The following XPO4 variants were observed in gnomAD, a reference collection of about 807,000 sequenced individuals.
The protein encoded by XPO4 is exportin-4.
A neutral mutation model predicts 143.0 loss-of-function variants in XPO4; 39 were observed. The ratio of observed to expected loss-of-function variants is 0.27; its 90% CI spans 0.21 to 0.36. The LOEUF (loss-of-function observed/expected upper bound fraction) is 0.36, where lower values mean the gene tolerates loss of function less well. Ranked by LOEUF, XPO4 falls within the 10% of genes least tolerant of loss-of-function variation. XPO4 has a pLI of 1.00. For missense variants in XPO4, 907 were observed against 1,348.0 expected, an observed-to-expected ratio of 0.67 and a Z score of 5.12; for synonymous variants, 439 against 474.0, an observed-to-expected ratio of 0.93 and a Z score of 0.96.
intron 6 of XPO4, among the ~76,000 whole-genome samples, chr13:20,836,882 T>A (rs1238366951): frequency 6.6e-6 from 1 of 152,216 alleles, no homozygotes; most frequent in African/African-American, 2.4e-5. Context: ...CTCTATAGAT[T>A]TGCCCATCCT....
rs749769518 is a variant in XPO4 at position 20,858,920 on chromosome 13, GTGTATATATA to G, written c.318-3165_318-3156del. ...TTAAAATATATATATATATGTGTGTGTGTATATATATATATATATATATATATATGTGAGC... is the reference window on the plus strand; with the variant it reads ...TTAAAATATATATATATATGTGTGTGTATATATATATATATATATGTGAGC... On this transcript the variant is annotated intron_variant, in intron 3 of 22. Coordinates refer to ENST00000255305, the MANE Select transcript of XPO4 (RefSeq NM_022459.5). Among the ~76,000 whole-genome samples, 128 of 16,352 alleles carry G rather than the reference GTGTATATATA, an allele frequency of 7.8e-3. 4 individuals carry two copies. The South Asian group carries it at 0.22, about 28-fold the overall frequency. 10.7% of individuals were successfully genotyped at this position (16,352 alleles called of 152,430 possible).
chr13:20,820,814 A>G (rs1475254688), intron 9 of XPO4, among the ~76,000 whole-genome samples: 3 of 152,214 alleles, frequency 2.0e-5, no homozygotes, highest in Non-Finnish European at 4.4e-5. Context: ...AGGGATACGA[A>G]AAAACTCACA....
chr13:20,796,484 A>C (rs1208638798), intron 17 of XPO4, among the ~76,000 whole-genome samples: 2 of 152,040 alleles, frequency 1.3e-5, no homozygotes, highest in Non-Finnish European at 2.9e-5. Flanking sequence ...ATTCAGGTGC[A>C]GCAAACCACC....
intron 6 of XPO4, among the ~76,000 whole-genome samples, chr13:20,828,435 T>C (rs1007443203): frequency 6.6e-6 from 1 of 152,198 alleles, no homozygotes; most frequent in African/African-American, 2.4e-5. Context: ...AATCGTTATT[T>C]TTACAGAAAA....
chr13:20,806,246 G>A (rs763342219), intron 13 of XPO4, among the ~76,000 whole-genome samples: 1 of 152,004 alleles, frequency 6.6e-6, no homozygotes, highest in Non-Finnish European at 1.5e-5. Context: ...TTTCAAACAA[G>A]AGAATGCAAC....
At chr13:20,883,801 C>CT (rs1211686884) in intron 1 of XPO4, among the ~76,000 whole-genome samples, 1 of 152,164 alleles carries the variant, frequency 6.6e-6, no homozygotes, top group African/African-American at 2.4e-5. Flanking sequence ...GAGTTTTGCT[C>CT]TTGTTGCCCA....
intron 1 of XPO4, 143 bp from the exon 2 acceptor site, chr13:20,868,844 T>G (rs1595146854): frequency 2.8e-6 from 2 of 703,370 alleles, no homozygotes; most frequent in East Asian, 6.1e-5. Flanking sequence ...TTTAAGGAAT[T>G]ATAGTATAAA....
chr13:20,827,631 A>C (rs146435711), intron 6 of XPO4, among the ~76,000 whole-genome samples: 3 of 152,218 alleles, frequency 2.0e-5, no homozygotes, highest in African/African-American at 7.2e-5. Flanking sequence ...ATTTTTCCAG[A>C]AGAAATATAT....
chr13:20,808,919 G>A (rs1229564174), intron 11 of XPO4, among the ~76,000 whole-genome samples, 164 bp downstream of exon 11: 5 of 152,152 alleles, frequency 3.3e-5, no homozygotes, highest in Non-Finnish European at 5.9e-5. Flanking sequence ...GGCTCCAAAT[G>A]TCTAAGCCAA....
At chr13:20,856,048 T>C (rs1251469991) in intron 3 of XPO4, among the ~76,000 whole-genome samples, 1 of 152,216 alleles carries the variant, frequency 6.6e-6, no homozygotes, top group Admixed American at 6.5e-5. Flanking sequence ...AAGGGTTAAA[T>C]GTTCCTAGAA....
intron 1 of XPO4, 178 bp downstream of exon 1, chr13:20,902,492 A>C (rs2060630962): frequency 1.0e-6 from 1 of 985,304 alleles, no homozygotes; most frequent in Non-Finnish European, 1.2e-6. Flanking sequence ...GGAGGGGACG[A>C]CGGCAGGAGG....
intron 17 of XPO4, 30 bp downstream of exon 17, chr13:20,796,734 C>A: frequency 6.5e-7 from 1 of 1,528,614 alleles, no homozygotes; most frequent in African/African-American, 1.4e-5. Context: ...GAGTTTTAAT[C>A]CTGAGGGGAT....
At chr13:20,798,942 A>G (rs2059394700) in intron 16 of XPO4, among the ~76,000 whole-genome samples, 1 of 151,562 alleles carries the variant, frequency 6.6e-6, no homozygotes, top group African/African-American at 2.4e-5. Context: ...AATCGCTTGA[A>G]CCTGGGAGGT....
chr13:20,827,206 A>G (rs753634530), intron 6 of XPO4, 27 bp from the exon 7 acceptor site: 1 of 1,485,682 alleles, frequency 6.7e-7, no homozygotes, highest in South Asian at 1.1e-5. Flanking sequence ...GTCAACAACA[A>G]TAACATTCTT....
intron 1 of XPO4, among the ~76,000 whole-genome samples, chr13:20,877,364 G>A (rs368153697): frequency 1.3e-5 from 2 of 152,256 alleles, no homozygotes; most frequent in Non-Finnish European, 1.5e-5. Flanking sequence ...TTCTAGCTAG[G>A]AGGATCTATG....
intron 5 of XPO4, among the ~76,000 whole-genome samples, chr13:20,843,410 C>A (rs944126780): frequency 4.6e-5 from 7 of 152,200 alleles, no homozygotes; most frequent in Non-Finnish European, 8.8e-5. Flanking sequence ...AGAGCCCGCA[C>A]CATCTGCAAT....
chr13:20,843,150 GA>G, intron 5 of XPO4, 102 bp from the exon 6 acceptor site: 1 of 1,158,304 alleles, frequency 8.6e-7, no homozygotes, highest in African/African-American at 1.5e-5. Context: ...ATTTCCAATG[GA>G]AAACACCATT....
intron 18 of XPO4, among the ~76,000 whole-genome samples, chr13:20,793,128 T>C (rs866328211): frequency 1.1e-4 from 16 of 152,206 alleles, no homozygotes; most frequent in African/African-American, 3.9e-4. Flanking sequence ...CCATTAACTT[T>C]GTTTTACAAT....
intron 9 of XPO4, 26 bp downstream of exon 9, chr13:20,821,678 C>A: frequency 6.3e-7 from 1 of 1,582,206 alleles, no homozygotes; most frequent in Non-Finnish European, 8.6e-7. Context: ...AAAACTGACA[C>A]AATTTACTTT....
Sources: allele counts gnomAD v4.1 joint callset (sites outside exome capture counted in the v4.1 genomes callset), GRCh38; gene constraint gnomAD v4.1.1; transcripts MANE v1.5; gene names NCBI Gene and HGNC (gene_info 2026-07-23, HGNC 2026-07-21).